Variants in FTSJ3 observed in about 807,000 individuals in gnomAD.
FTSJ3 encodes pre-rRNA 2'-O-ribose RNA methyltransferase FTSJ3.
In FTSJ3, 46 loss-of-function variants were observed where a neutral mutation model predicts 111.5. That is an observed-to-expected ratio of 0.41 (90% CI 0.33 to 0.53). The LOEUF (loss-of-function observed/expected upper bound fraction) is 0.53, where lower values mean the gene tolerates loss of function less well. Ranked by LOEUF, FTSJ3 falls within the 20% of genes least tolerant of loss-of-function variation. FTSJ3 has a pLI of 0.19. For missense variants in FTSJ3, 1,075 were observed against 1,063.8 expected (o/e 1.01, Z -0.15); for synonymous variants, 408 against 383.0 (o/e 1.07, Z -0.76).
chr17:63,819,609 C>A lies in FTSJ3; in HGVS notation c.*193G>T. ...AGTTCAGCAGTGTTTTCATGGGAGACCTTCAGGCAGGCAGGAGGACATCCT... is the reference window on the plus strand; with the variant it reads ...AGTTCAGCAGTGTTTTCATGGGAGAACTTCAGGCAGGCAGGAGGACATCCT... On this transcript the variant is annotated 3_prime_UTR_variant, in exon 21 of 21. Coordinates refer to ENST00000427159, the MANE Select transcript of FTSJ3 (RefSeq NM_017647.4). 1 of 584,300 alleles carries A rather than the reference C, an allele frequency of 1.7e-6. No individual in the cohort carries two copies. The highest frequency in any genetic ancestry group is 3.0e-6 in the Non-Finnish European group (1 of 330,258). The allele number at this position is 584,300 out of a possible 1,614,324, so 36.2% of individuals were successfully genotyped here.
chr17:63,824,331 C>T lies in FTSJ3; in HGVS notation c.998G>A (p.Ser333Asn), dbSNP rs746247221. The T allele has an allele frequency of 2.5e-6, 4 of 1,614,240 alleles. No homozygotes were observed. The highest frequency in any genetic ancestry group is 3.4e-6 in the Non-Finnish European group (4 of 1,180,034). Reference sequence around the variant, plus strand: ...CTGCCTCGCTGCGTTCTCTCCTCACCTGATGTCCAGTGCCTTTGCTTGTTC... The same window carrying T: ...CTGCCTCGCTGCGTTCTCTCCTCACTTGATGTCCAGTGCCTTTGCTTGTTC... ...LKEQAKALDISLSSGEEDEGD... is the reference protein window; with the variant it reads ...LKEQAKALDINLSSGEEDEGD... The change falls in exon 11 of 21, where the codon AGC (serine) becomes AAC (asparagine). Residue 333 changes from serine to asparagine, a missense_variant and splice_region_variant. Coordinates refer to ENST00000427159, the MANE Select transcript of FTSJ3 (RefSeq NM_017647.4).
At position 63,821,375 on chromosome 17, in the gene FTSJ3, G is replaced by A. The variant is rs1007733585; in HGVS notation, c.1865C>T (p.Thr622Ile). 2 of 1,612,880 alleles carry A rather than the reference G, an allele frequency of 1.2e-6. No homozygotes were observed. Among genetic ancestry groups the A allele is most frequent in the South Asian group, 1.1e-5 (1 of 90,928 alleles). Residue 622 changes from threonine to isoleucine, a missense_variant, in exon 16 of 21, where the codon ACT becomes ATT. Physicochemically the swap from Thr to Ile is moderately conservative, Grantham distance 89 (BLOSUM62 -1). Transcript: ENST00000427159. ...KDGISDSDSS[T>I]SSEEEESWEP... ...TCACCTCTCTTCTTCCTCACTGCTA[G>A]TACTGCTATCACTGTCTGAGATGCC...
chr17:63,825,392 C>T lies in FTSJ3; in HGVS notation c.445G>A (p.Ala149Thr). 1 of 1,614,152 alleles carries T rather than the reference C, an allele frequency of 6.2e-7. No homozygotes were observed. Among genetic ancestry groups the T allele is most frequent in the Non-Finnish European group, 8.5e-7 (1 of 1,180,024 alleles). ...MALRLACDFL[A>T]RGGSFITKVF... ...TTTGTGATGAAGCTGCCACCACGGG[C>T]CAAAAAGTCACAAGCCAAACGTAGA... The change falls in exon 7 of 21, where the codon GCC (alanine) becomes ACC (threonine). Residue 149 changes from alanine to threonine, a missense_variant. Around this residue, in one of 2 missense-constraint regions of FTSJ3, gnomAD observed 208 missense variants for 266.9 expected, o/e 0.78. Coordinates refer to ENST00000427159, the MANE Select transcript of FTSJ3 (RefSeq NM_017647.4).
At chr17:63,820,207 A>ACCCCCCCCCCCCCC in intron 19 of FTSJ3, 34 bp from the exon 20 acceptor site, 6 of 310,960 alleles carry the variant, frequency 1.9e-5, no homozygotes, top group East Asian at 1.1e-4. Context: ...CCTCTTCCCC[A>ACCCCCCCCCCCCCC]TCCCCCCACC....
In FTSJ3 at chr17:63,826,599, G is replaced by A. The variant is rs2040107185; in HGVS notation, c.141C>T (p.Ala47=). 1.2e-6 allele frequency: 2 copies of A among 1,614,092 alleles called. No homozygotes were observed. The highest frequency in any genetic ancestry group is 1.7e-6 in the Non-Finnish European group (2 of 1,179,986). ...CTGGCGCAGCACACAGGTCCAGCAA[G>A]GCTCGGGCTTTCTGCAGGAACTGAA... ...RRFQFLQKAR[A]LLDLCAAPGG... Residue 47 remains alanine, a synonymous_variant, in exon 3 of 21, where the codon GCC becomes GCT. Transcript: ENST00000427159.
Position 63,826,294 on chromosome 17 carries a change from C to G in FTSJ3, c.184G>C (p.Ala62Pro). 1 of 1,614,172 alleles carries G rather than the reference C, an allele frequency of 6.2e-7. No individual in the cohort carries two copies. Among genetic ancestry groups the G allele is most frequent in the Non-Finnish European group, 8.5e-7 (1 of 1,180,002 alleles). ...CAAPGGWLQV[A>P]AKFMPVSSLI... Reference sequence around the variant, plus strand: ...CTGGATACAGGCATAAACTTGGCAGCTACCTGCAGCCTATAAAAGGAACAG... The same window carrying G: ...CTGGATACAGGCATAAACTTGGCAGGTACCTGCAGCCTATAAAAGGAACAG... Residue 62 changes from alanine to proline, a missense_variant, in exon 4 of 21, where the codon GCT becomes CCT. Ala to Pro is a conservative substitution (Grantham distance 27, BLOSUM62 -1). This residue lies in a region of FTSJ3 where 208 missense variants were observed against 266.9 expected (regional missense o/e 0.78). Coordinates refer to ENST00000427159, the MANE Select transcript of FTSJ3 (RefSeq NM_017647.4).
chr17:63,827,580 T>C lies in FTSJ3; in HGVS notation c.-555A>G. On this transcript the variant is annotated 5_prime_UTR_variant, in exon 1 of 21. Transcript: ENST00000427159. ...GGGTGCGGAGCGAGCGTGATCTGAG[T>C]GGAGAGCGGGCCGGGGCAGGAGCGT... is the stretch of plus-strand genomic sequence containing the variant. The C allele has an allele frequency of 6.5e-7, 1 of 1,549,020 alleles. No individual in the cohort carries two copies. Among genetic ancestry groups the C allele is most frequent in the Non-Finnish European group, 8.7e-7 (1 of 1,146,266 alleles).
chr17:63,826,390 A>G, intron 3 of FTSJ3, 86 bp from the exon 4 acceptor site: 1 of 1,349,886 alleles, frequency 7.4e-7, no homozygotes, highest in Non-Finnish European at 1.1e-6. Context: ...TGTTACGTGT[A>G]CTGGCCAAAG....
chr17:63,822,129 C>G lies in FTSJ3; in HGVS notation c.1330G>C (p.Asp444His), dbSNP rs753129963. Residue 444 changes from aspartate to histidine, a missense_variant, in exon 14 of 21, where the codon GAC (aspartate) becomes CAC (histidine). By Grantham distance (81) the Asp-to-His change is moderately conservative. Around this residue, in one of 2 missense-constraint regions of FTSJ3, gnomAD observed 867 missense variants for 796.9 expected, o/e 1.09. Transcript: ENST00000427159. ...EVTQGDMSAA[D>H]TFLSDLPRDD... The stretch of plus-strand genomic sequence containing the variant: ...CTTGGCAGATCGGACAGAAATGTGT[C>G]TGCTGCACTCATATCCCCTTGTGTT... 7 of 1,614,158 alleles carry G rather than the reference C, an allele frequency of 4.3e-6. No individual in the cohort carries two copies. The highest frequency in any genetic ancestry group is 1.3e-5 in the African/African-American group (1 of 75,050).
chr17:63,824,571 G>T, intron 10 of FTSJ3, 66 bp downstream of exon 10: 1 of 1,452,898 alleles, frequency 6.9e-7, no homozygotes, highest in Non-Finnish European at 9.7e-7. Flanking sequence ...TCTTCCCAGA[G>T]GTCCAACATC....
chr17:63,821,634 C>CGGT lies in FTSJ3; in HGVS notation c.1605_1606insACC (p.Phe535_Ala536insThr). On this transcript the variant is annotated inframe_insertion, in exon 16 of 21. Coordinates refer to ENST00000427159, the MANE Select transcript of FTSJ3 (RefSeq NM_017647.4). Reference sequence around the variant, plus strand: ...TCATCGGCATCGTCCTCGATCCCAGCAAAGCTGCCCTGTGATAGGAGAACA... The same window carrying CGGT: ...TCATCGGCATCGTCCTCGATCCCAGCGGTAAAGCTGCCCTGTGATAGGAGAACA... The CGGT allele has an allele frequency of 6.2e-7, 1 of 1,613,254 alleles. No homozygotes were observed. Among genetic ancestry groups the CGGT allele is most frequent in the Non-Finnish European group, 8.5e-7 (1 of 1,179,302 alleles).
chr17:63,822,587 T>G (rs1208757384), intron 13 of FTSJ3, among the ~76,000 whole-genome samples: 2 of 152,352 alleles, frequency 1.3e-5, no homozygotes, highest in Non-Finnish European at 2.9e-5. Flanking sequence ...CCAACAAAAC[T>G]GTTCCACTTA....
rs761911337 is a variant in FTSJ3 at position 63,821,761 on chromosome 17, C to G, written c.1558G>C (p.Val520Leu). 2 of 1,614,194 alleles carry G rather than the reference C, an allele frequency of 1.2e-6. No individual in the cohort carries two copies. The highest frequency in any genetic ancestry group is 3.3e-5 in the Admixed American group (2 of 60,022). Reference protein sequence around the residue: ...PLLVPLEEKAVLQEEQANLWF... With the variant: ...PLLVPLEEKALLQEEQANLWF... ...AGGTTGGCTTGTTCTTCCTGCAGTA[C>G]TGCCTTTTCCTCCAGTGGTACCAGC... Residue 520 changes from valine (V) to leucine (L), a missense_variant, in exon 15 of 21, where the codon GTA (valine) becomes CTA (leucine). By Grantham distance (32) the Val-to-Leu change is conservative (BLOSUM62 1). This residue lies in a region of FTSJ3 where 867 missense variants were observed against 796.9 expected (regional missense o/e 1.09). Transcript: ENST00000427159.
At position 63,824,164 on chromosome 17, in the gene FTSJ3, C is replaced by T. The variant is rs749621649; in HGVS notation, c.1074G>A (p.Glu358=). The part of the protein sequence containing the change: ...TAGTTKQPSK[E]EEEEEEEEQL... The stretch of plus-strand genomic sequence containing the variant: ...GTTCCTCCTCCTCCTCTTCCTCCTC[C>T]TCCTTAGAGGGCTGCTTTGTGGTTC... Residue 358 remains glutamate (E), a synonymous_variant, in exon 12 of 21, where the codon GAG becomes GAA. Coordinates refer to ENST00000427159, the MANE Select transcript of FTSJ3 (RefSeq NM_017647.4). 2.5e-6 allele frequency: 4 copies of T among 1,614,060 alleles called. No individual in the cohort carries two copies. Among genetic ancestry groups the T allele is most frequent in the Non-Finnish European group, 3.4e-6 (4 of 1,180,040 alleles).
chr17:63,821,813 T>C lies in FTSJ3; in HGVS notation c.1506A>G (p.Lys502=), dbSNP rs191564367. The change falls in exon 15 of 21, where the codon AAA becomes AAG. Residue 502 remains lysine (K), a synonymous_variant. Transcript: ENST00000427159. ...RMRLTEVQDD[K]EEEEEENPLL... is the part of the protein sequence containing the mutation. ...GTGGATTCTCCTCCTCCTCCTCCTC[T>C]TTATCATCTTGCACTTCAGTAAGTC... 2.3e-4 allele frequency: 375 copies of C among 1,614,028 alleles called. No individual in the cohort carries two copies. The Admixed American group carries it at 6.1e-3, about 26-fold the overall frequency.
At chr17:63,825,219 A>G (rs969713447) in intron 7 of FTSJ3, 23 bp downstream of exon 7, 4 of 1,613,890 alleles carry the variant, frequency 2.5e-6, no homozygotes, top group African/African-American at 1.3e-5. Flanking sequence ...AGCCTGGATC[A>G]AGAGAAAGGA....
At chr17:63,824,447 C>T in intron 10 of FTSJ3, 36 bp from the exon 11 acceptor site, 4 of 1,602,810 alleles carry the variant, frequency 2.5e-6, no homozygotes, top group Non-Finnish European at 3.4e-6. Context: ...CTTGCCATCT[C>T]CCTCTTTGTC....
rs767013880 is a variant in FTSJ3, at chr17:63,821,131, G to A, written c.1887-16C>T. 6.2e-7 allele frequency: 1 copy of A among 1,611,992 alleles called. No homozygotes were observed. Among genetic ancestry groups the A allele is most frequent in the South Asian group, 1.1e-5 (1 of 91,022 alleles). ...GGGTTCCCAGCTGTGAAGAGGGGAG[G>A]ACTCTGAGTGATTCCACCACTCTGT... On this transcript the variant is annotated splice_polypyrimidine_tract_variant and intron_variant, in intron 16 of 20. Transcript: ENST00000427159.
chr17:63,821,291 T>G, intron 16 of FTSJ3, 63 bp downstream of exon 16: 2 of 1,547,604 alleles, frequency 1.3e-6, no homozygotes, highest in African/African-American at 1.4e-5. Context: ...GAACCCCCAA[T>G]TTAGAGAAAT....
Sources: allele counts gnomAD v4.1 joint callset (sites outside exome capture counted in the v4.1 genomes callset), GRCh38; gene constraint gnomAD v4.1.1; regional missense constraint gnomAD v4.1.1; transcripts MANE v1.5; gene names NCBI Gene and HGNC (gene_info 2026-07-23, HGNC 2026-07-21).